The following CACNA1E variants were observed in gnomAD, a reference collection of about 807,000 sequenced individuals.
CACNA1E encodes the protein calcium voltage-gated channel subunit alpha1 E, also known as voltage-dependent R-type calcium channel subunit alpha-1E.
In CACNA1E, 40 loss-of-function variants were observed where a neutral mutation model predicts 259.2. The ratio of observed to expected loss-of-function variants is 0.15; its 90% confidence interval spans 0.12 to 0.20. CACNA1E has a LOEUF of 0.20. CACNA1E is among the 10% of genes least tolerant of loss of function. CACNA1E has a pLI of 1.00. For synonymous variants in CACNA1E, 1,104 were observed against 1,138.5 expected (o/e 0.97, Z 0.61); for missense variants, 1,874 against 3,040.1 (o/e 0.62, Z 9.02).
At chr1:181,329,072 A>G (rs1651021058) in intron 1 of CACNA1E, among the ~76,000 whole-genome samples, 1 of 148,330 alleles carries the variant, frequency 6.7e-6, no homozygotes, top group Non-Finnish European at 1.5e-5. Context: ...TTTTTCCTCC[A>G]GCTTTCTTTG....
intron 21 of CACNA1E, among the ~76,000 whole-genome samples, 196 bp downstream of exon 21, chr1:181,733,946 A>G (rs1268761012): frequency 6.6e-6 from 1 of 152,210 alleles, no homozygotes; most frequent in African/African-American, 2.4e-5. Flanking sequence ...AATTTTTCCC[A>G]TAAAATTTCC....
At chr1:181,513,091 G>A (rs1234943358) in intron 3 of CACNA1E, among the ~76,000 whole-genome samples, 1 of 152,100 alleles carries the variant, frequency 6.6e-6, no homozygotes, top group Non-Finnish European at 1.5e-5. Flanking sequence ...GTAAATTCTT[G>A]GTCCTGCTCA....
At chr1:181,522,577 G>C (rs574825006) in intron 3 of CACNA1E, among the ~76,000 whole-genome samples, 1 of 152,278 alleles carries the variant, frequency 6.6e-6, no homozygotes, top group East Asian at 1.9e-4. Flanking sequence ...TCATGATGCT[G>C]AATCTGGATC....
At chr1:181,633,435 A>G (rs1184548822) in intron 6 of CACNA1E, among the ~76,000 whole-genome samples, 1 of 152,116 alleles carries the variant, frequency 6.6e-6, no homozygotes, top group African/African-American at 2.4e-5. Flanking sequence ...GAACTGCACA[A>G]TGAATACCAT....
intron 43 of CACNA1E, among the ~76,000 whole-genome samples, chr1:181,788,617 C>T (rs529576732): frequency 1.2e-4 from 19 of 152,170 alleles, no homozygotes; most frequent in African/African-American, 3.4e-4. Context: ...TAAAAAAGGC[C>T]GCCATGTCTG....
At position 181,694,308 on chromosome 1, in the gene CACNA1E, T is replaced by C. The variant is rs143361514; in HGVS notation, c.1056-16646T>C. The stretch of plus-strand genomic sequence containing the variant: ...TAACTTAAAACTTACTAGTCCTTTA[T>C]AATAAAGACTTGCAGTAAATTAATA... On this transcript the variant is annotated intron_variant, in intron 7 of 47. Transcript: ENST00000367573. Among the ~76,000 whole-genome samples the C allele has an allele frequency of 3.0e-3, 454 of 152,348 alleles. 1 individual carries two copies. Among genetic ancestry groups the C allele is most frequent in the Non-Finnish European group, 5.4e-3 (364 of 68,032 alleles).
At chr1:181,520,031 G>T (rs589082) in intron 3 of CACNA1E, among the ~76,000 whole-genome samples, 75,790 of 151,908 alleles carry the variant, frequency 0.5, 19,226 homozygotes, top group South Asian at 0.57. Context: ...GACAAGCAAA[G>T]AGGATAGTGA....
chr1:181,574,699 A>G (rs10910967), intron 3 of CACNA1E, among the ~76,000 whole-genome samples: 123,819 of 152,084 alleles, frequency 0.81, 51,533 homozygotes, highest in East Asian at 0.98. Flanking sequence ...GCACAGAATA[A>G]GGCTATTTTC....
Position 181,717,263 on chromosome 1 carries a change from G to T in CACNA1E, c.1486G>T (p.Val496Phe). Residue 496 changes from valine to phenylalanine, a missense_variant, in exon 11 of 48, where the codon GTC becomes TTC. Physicochemically the swap from Val to Phe is conservative, Grantham distance 50. Around this residue, in one of 14 missense-constraint regions of CACNA1E, gnomAD observed 157 missense variants for 203.5 expected, o/e 0.77. Transcript: ENST00000367573. ...ACTCAACACTGCCTGTGTGGCCATT[G>T]TCCATCACAACCAGCCCCAGTGGCT... ...VALNTACVAI[V>F]HHNQPQWLTH... The T allele has an allele frequency of 6.2e-7, 1 of 1,613,906 alleles. No individual in the cohort carries two copies. The highest frequency in any genetic ancestry group is 8.5e-7 in the Non-Finnish European group (1 of 1,179,892).
At chr1:181,545,407 C>T (rs761602471) in intron 3 of CACNA1E, among the ~76,000 whole-genome samples, 1 of 152,334 alleles carries the variant, frequency 6.6e-6, no homozygotes, top group Non-Finnish European at 1.5e-5. Context: ...ATTCCAGGGA[C>T]TCAGCGCACT....
At chr1:181,504,381 T>C (rs141888831) in intron 1 of CACNA1E, among the ~76,000 whole-genome samples, 255 of 152,356 alleles carry the variant, frequency 1.7e-3, no homozygotes, top group African/African-American at 5.8e-3. Context: ...CAGCATTCTA[T>C]CTGCCTGCCT....
Position 181,423,503 on chromosome 1 carries a change from CAT to C in CACNA1E, c.434+9924_434+9925del, listed in dbSNP as rs1214698186. ...CTGCAAGTCCCACCCACTTCTGTCT[CAT>C]GTGCCCTGCAGCTATGCTGACTTAG... On this transcript the variant is annotated intron_variant, in intron 2 of 11. Transcript: ENST00000524607. 2.0e-5 allele frequency among the ~76,000 whole-genome samples: 3 copies of C among 152,150 alleles called. No homozygotes were observed. In the East Asian group the frequency reaches 5.8e-4, roughly 29 times the overall value.
intron 37 of CACNA1E, among the ~76,000 whole-genome samples, chr1:181,773,611 T>G (rs1014555780): frequency 2.0e-5 from 3 of 152,202 alleles, no homozygotes; most frequent in African/African-American, 7.2e-5. Context: ...CAGCACATTT[T>G]TATTGAGTGG....
chr1:181,400,851 CTGT>C (rs1263671720), intron 1 of CACNA1E, among the ~76,000 whole-genome samples: 2 of 152,182 alleles, frequency 1.3e-5, no homozygotes, highest in Admixed American at 1.3e-4. Flanking sequence ...TCACGCTTTG[CTGT>C]ATTATGGCTG....
At chr1:181,329,380 T>A (rs183792522) in intron 1 of CACNA1E, among the ~76,000 whole-genome samples, 26 of 152,248 alleles carry the variant, frequency 1.7e-4, no homozygotes, top group Admixed American at 1.6e-3. Flanking sequence ...TAAACATGAT[T>A]ATACCACTTT....
rs77943135 is a variant in CACNA1E, at chr1:181,799,631, T to C, written c.*797T>C. The C allele has an allele frequency of 0.024, 3,647 of 152,670 alleles. 82 individuals are homozygous for C. Among genetic ancestry groups the C allele is most frequent in the East Asian group, 0.11 (565 of 5,172 alleles). The allele number at this position is 152,670 out of a possible 1,614,324, so 9.5% of individuals were successfully genotyped here. A position where few individuals can be genotyped will look rare whatever the true frequency, so the allele number is the denominator to read the frequency against. The stretch of plus-strand genomic sequence containing the variant: ...GTCCCCCAGGGTCCACAAAGGTGCC[T>C]GAGGCTCTGGTAAGGGTGAAGATAA... On this transcript the variant is annotated 3_prime_UTR_variant, in exon 48 of 48. Coordinates refer to ENST00000367573, the MANE Select transcript of CACNA1E (RefSeq NM_001205293.3).
chr1:181,783,312 T>TC (rs1660580072), intron 39 of CACNA1E, among the ~76,000 whole-genome samples: 2 of 152,204 alleles, frequency 1.3e-5, no homozygotes, highest in African/African-American at 4.8e-5. Flanking sequence ...TGGAGCCACC[T>TC]CCCCGAGCTG....
At chr1:181,343,396 T>C (rs1207682506) in intron 1 of CACNA1E, among the ~76,000 whole-genome samples, 1 of 152,112 alleles carries the variant, frequency 6.6e-6, no homozygotes, top group Non-Finnish European at 1.5e-5. Context: ...GTTCTTGCTC[T>C]ACTAGTTCAC....
At chr1:181,373,912 G>C (rs1654901536) in intron 1 of CACNA1E, among the ~76,000 whole-genome samples, 1 of 152,098 alleles carries the variant, frequency 6.6e-6, no homozygotes, top group Non-Finnish European at 1.5e-5. Flanking sequence ...TATTAATGTA[G>C]CTAGCAGTCT....
Sources: allele counts gnomAD v4.1 joint callset (sites outside exome capture counted in the v4.1 genomes callset), GRCh38; gene constraint gnomAD v4.1.1; regional missense constraint gnomAD v4.1.1; transcripts MANE v1.5; gene names NCBI Gene and HGNC (gene_info 2026-07-23, HGNC 2026-07-21).